The following DCUN1D4 variants were observed in gnomAD, a reference collection of about 807,000 sequenced individuals.
The protein encoded by DCUN1D4 is defective in cullin neddylation 1 domain containing 4, also known as DCN1-like protein 4.
DCUN1D4 carries 22 observed loss-of-function variants against 47.9 expected under a neutral mutation model. That is an observed-to-expected ratio of 0.46 (90% confidence interval 0.33 to 0.66). The LOEUF is 0.66. Among genes scored for constraint, DCUN1D4 ranks in the 30% least tolerant of loss-of-function variants. The pLI is 0.02. For synonymous variants in DCUN1D4, 121 were observed against 112.2 expected (o/e 1.08, Z -0.50); for missense variants, 301 against 340.8 (o/e 0.88, Z 0.92).
At chr4:51,863,396 G>A in intron 1 of DCUN1D4, 41 bp from the exon 2 acceptor site, 1 of 1,438,196 alleles carries the variant, frequency 7.0e-7, no homozygotes, top group African/African-American at 1.4e-5. Context: ...TTACAATATT[G>A]GAAATAAATG....
chr4:51,846,544 G>C (rs1357353750), intron 1 of DCUN1D4, among the ~76,000 whole-genome samples: 1 of 152,086 alleles, frequency 6.6e-6, no homozygotes, highest in Non-Finnish European at 1.5e-5. Context: ...TCCTGGCTAC[G>C]TTTACATTAT....
the DCUN1D4 span, among the ~76,000 whole-genome samples, chr4:51,835,428 A>G: frequency 1.3e-5 from 2 of 152,350 alleles, no homozygotes; most frequent in East Asian, 3.9e-4. Flanking sequence ...GTTTGCCAAT[A>G]TTTCTATTCC....
intron 8 of DCUN1D4, among the ~76,000 whole-genome samples, chr4:51,906,076 AACCTT>A (rs1377945546): frequency 6.6e-6 from 1 of 152,168 alleles, no homozygotes; most frequent in African/African-American, 2.4e-5. Flanking sequence ...CTTGAAATAA[AACCTT>A]AAAGAAGTCG....
chr4:51,871,636 A>G (rs553332649), intron 3 of DCUN1D4, among the ~76,000 whole-genome samples: 1 of 152,332 alleles, frequency 6.6e-6, no homozygotes, highest in African/African-American at 2.4e-5. Flanking sequence ...CTTCCTGCAT[A>G]TACATCTAAG....
intron 8 of DCUN1D4, chr4:51,905,274 A>G (rs1217603788): frequency 6.7e-6 from 3 of 446,832 alleles, no homozygotes; most frequent in Non-Finnish European, 1.4e-5. Context: ...ATTGAGAGCC[A>G]GCGAGGAGGG....
chr4:51,887,639 T>C (rs1729715986), intron 6 of DCUN1D4, among the ~76,000 whole-genome samples: 1 of 152,242 alleles, frequency 6.6e-6, no homozygotes, highest in South Asian at 2.1e-4. Flanking sequence ...AGATCCTCAA[T>C]GAATTTGTGA....
chr4:51,834,068 C>T, the DCUN1D4 span, among the ~76,000 whole-genome samples: 8 of 135,720 alleles, frequency 5.9e-5, no homozygotes, highest in African/African-American at 1.8e-4. Context: ...CTCTCTCTCT[C>T]TCTCTCTCTC....
intron 1 of DCUN1D4, chr4:51,843,679 C>A (rs866303515): frequency 1.7e-6 from 2 of 1,203,644 alleles, no homozygotes; most frequent in Non-Finnish European, 1.0e-6. Flanking sequence ...AGCGAGCGAG[C>A]GGGGCACAAG....
intron 1 of DCUN1D4, among the ~76,000 whole-genome samples, chr4:51,853,985 G>A (rs1406043181): frequency 1.3e-5 from 2 of 152,154 alleles, no homozygotes; most frequent in Non-Finnish European, 2.9e-5. Context: ...TCCTTATGAG[G>A]CAGGCACTGT....
intron 6 of DCUN1D4, chr4:51,887,049 C>A: frequency 2.2e-6 from 1 of 452,354 alleles, no homozygotes; most frequent in South Asian, 1.6e-5. Flanking sequence ...AGATTGTAAT[C>A]ATCAAGAATT....
intron 7 of DCUN1D4, among the ~76,000 whole-genome samples, chr4:51,895,611 G>A (rs1432789391): frequency 7.1e-6 from 1 of 141,584 alleles, no homozygotes; most frequent in Non-Finnish European, 1.5e-5. Flanking sequence ...TTAATTAACT[G>A]CAATAAACTG....
intron 3 of DCUN1D4, among the ~76,000 whole-genome samples, chr4:51,867,249 A>G (rs572778857): frequency 6.6e-6 from 1 of 152,344 alleles, no homozygotes; most frequent in South Asian, 2.1e-4. Flanking sequence ...CAGGAACCAC[A>G]GAACCCCAAA....
the DCUN1D4 span, among the ~76,000 whole-genome samples, chr4:51,834,090 T>C: frequency 7.3e-6 from 1 of 136,520 alleles, no homozygotes; most frequent in Non-Finnish European, 1.6e-5. Flanking sequence ...CTCTCTCTTT[T>C]CTTTTCTTCT....
In DCUN1D4 at chr4:51,863,499, A is replaced by C. The variant is rs766788894; in HGVS notation, c.88A>C (p.Asn30His). Reference protein sequence around the residue: ...ANIHKIYHTLNKLNLTEDIGQ... With the variant: ...ANIHKIYHTLHKLNLTEDIGQ... Reference sequence around the variant, plus strand: ...TATTCATAAGATCTACCACACCCTTAATAAGCTGGTAAGTCATTCTTTTAA... The same window carrying C: ...TATTCATAAGATCTACCACACCCTTCATAAGCTGGTAAGTCATTCTTTTAA... Residue 30 changes from asparagine to histidine, a missense_variant, in exon 2 of 11, where the codon AAT becomes CAT. Transcript: ENST00000334635. 2.5e-6 allele frequency: 4 copies of C among 1,611,692 alleles called. No homozygotes were observed. The South Asian group carries it at 4.4e-5, about 18-fold the overall frequency.
intron 8 of DCUN1D4, among the ~76,000 whole-genome samples, chr4:51,904,875 T>TA (rs1226873562): frequency 6.6e-6 from 1 of 152,210 alleles, no homozygotes; most frequent in African/African-American, 2.4e-5. Flanking sequence ...GTGGACCTTT[T>TA]AAAAATCACA....
At chr4:51,846,307 A>G (rs546204384) in intron 1 of DCUN1D4, among the ~76,000 whole-genome samples, 1 of 152,166 alleles carries the variant, frequency 6.6e-6, no homozygotes, top group South Asian at 2.1e-4. Flanking sequence ...AGAATTTTTG[A>G]CTGTTTTATA....
intron 1 of DCUN1D4, among the ~76,000 whole-genome samples, chr4:51,849,304 A>G (rs918785289): frequency 1.3e-5 from 2 of 152,146 alleles, no homozygotes; most frequent in Non-Finnish European, 1.5e-5. Flanking sequence ...GGCAAGGTCT[A>G]GTTGTTGCTG....
chr4:51,901,130 G>T (rs1321342498), intron 8 of DCUN1D4, among the ~76,000 whole-genome samples: 1 of 152,078 alleles, frequency 6.6e-6, no homozygotes, highest in Non-Finnish European at 1.5e-5. Context: ...CATCACTAGG[G>T]TGTCATTCGT....
At chr4:51,900,860 C>T (rs988319755) in intron 8 of DCUN1D4, among the ~76,000 whole-genome samples, 6 of 151,988 alleles carry the variant, frequency 3.9e-5, no homozygotes, top group African/African-American at 2.4e-5. Context: ...CAAATCAGCT[C>T]TATTTTCTAA....
Sources: gnomAD v4.1 joint callset for allele counts (sites outside exome capture counted in the v4.1 genomes callset) on GRCh38, gnomAD v4.1.1 for gene constraint, MANE v1.5 for transcripts, NCBI Gene and HGNC (gene_info 2026-07-23, HGNC 2026-07-21) for gene names.